The following ZFHX3 variants were observed in gnomAD, a reference collection of about 807,000 sequenced individuals.
The protein encoded by ZFHX3 is zinc finger homeobox protein 3.
Under a neutral mutation model 279.1 loss-of-function variants are expected in ZFHX3, and 42 were observed. The ratio of observed to expected loss-of-function variants is 0.15; its 90% confidence interval spans 0.12 to 0.19. The LOEUF (loss-of-function observed/expected upper bound fraction) is 0.19, where lower values mean the gene tolerates loss of function less well. Ranked by LOEUF, ZFHX3 falls within the 10% of genes least tolerant of loss-of-function variation. The probability of loss-of-function intolerance (pLI) is 1.00; values close to 1 mark genes in which losing one functional copy is unlikely to be tolerated. For missense variants in ZFHX3, 4,981 were observed against 4,754.0 expected (o/e 1.05, Z -1.40); for synonymous variants, 2,293 against 1,957.8 (o/e 1.17, Z -4.52).
At chr16:73,096,057 G>T (rs1043404387) in intron 7 of ZFHX3, among the ~76,000 whole-genome samples, 1 of 152,142 alleles carries the variant, frequency 6.6e-6, no homozygotes, top group African/African-American at 2.4e-5. Flanking sequence ...AGAGGGGCCT[G>T]GAGATGCTGG....
intron 3 of ZFHX3, among the ~76,000 whole-genome samples, chr16:73,324,155 G>A (rs1294947108): frequency 6.6e-6 from 1 of 152,190 alleles, no homozygotes; most frequent in African/African-American, 2.4e-5. Context: ...GGAGAGGAAT[G>A]GACTCATATT....
rs574799123 is a variant in ZFHX3, at chr16:73,539,821, C to T, written c.-1546-83563G>A. 5.9e-5 allele frequency among the ~76,000 whole-genome samples: 9 copies of T among 152,228 alleles called. No individual in the cohort carries two copies. The East Asian group carries it at 1.5e-3, about 26-fold the overall frequency. ...TATGCCAAAGCCCTCCAAATGTTTTCGGCAAATAATACCCAAATAAATGGA... is the reference window on the plus strand; with the variant it reads ...TATGCCAAAGCCCTCCAAATGTTTTTGGCAAATAATACCCAAATAAATGGA... On this transcript the variant is annotated intron_variant, in intron 2 of 17. Transcript: ENST00000641206.
intron 3 of ZFHX3, among the ~76,000 whole-genome samples, chr16:72,941,574 G>T (rs186583905): frequency 3.9e-5 from 6 of 152,200 alleles, no homozygotes; most frequent in Middle Eastern, 3.4e-3. Flanking sequence ...TGAAATTTAC[G>T]TTTGGAGGCC....
At chr16:73,782,235 C>A (rs1959495842) in intron 1 of ZFHX3, among the ~76,000 whole-genome samples, 1 of 152,158 alleles carries the variant, frequency 6.6e-6, no homozygotes, top group African/African-American at 2.4e-5. Context: ...GCTTGAGCCT[C>A]TGTTTTGTTG....
At chr16:73,681,202 A>G (rs2053006568) in intron 1 of ZFHX3, among the ~76,000 whole-genome samples, 1 of 152,184 alleles carries the variant, frequency 6.6e-6, no homozygotes, top group South Asian at 2.1e-4. Flanking sequence ...TATAATGGCT[A>G]AACAAATTAA....
intron 1 of ZFHX3, among the ~76,000 whole-genome samples, chr16:73,009,144 A>G (rs1460070290): frequency 1.3e-5 from 2 of 152,128 alleles, no homozygotes; most frequent in Non-Finnish European, 2.9e-5. Context: ...AAATTAATTG[A>G]ATTAACTTGT....
At chr16:73,355,708 C>G (rs150544960) in intron 3 of ZFHX3, among the ~76,000 whole-genome samples, 1 of 152,344 alleles carries the variant, frequency 6.6e-6, no homozygotes, top group East Asian at 1.9e-4. Flanking sequence ...ACTGCTCCCT[C>G]TGCTTAATAT....
intron 1 of ZFHX3, among the ~76,000 whole-genome samples, chr16:73,053,685 C>T (rs1393339595): frequency 6.6e-6 from 1 of 152,084 alleles, no homozygotes; most frequent in Non-Finnish European, 1.5e-5. Context: ...AACCCTAGGA[C>T]GAGGCACAGC....
chr16:73,811,437 TC>T (rs1960421685), intron 1 of ZFHX3, among the ~76,000 whole-genome samples: 1 of 148,040 alleles, frequency 6.8e-6, no homozygotes. Flanking sequence ...TTCAGTCTCT[TC>T]TTTTTTTTTT....
intron 3 of ZFHX3, among the ~76,000 whole-genome samples, chr16:72,918,895 ACT>A (rs1187465738): frequency 6.6e-6 from 1 of 151,876 alleles, no homozygotes; most frequent in African/African-American, 2.4e-5. Context: ...ATGGGGTTTC[ACT>A]GTGTTAGCCA....
chr16:72,967,034 G>A (rs1188373990), intron 1 of ZFHX3, among the ~76,000 whole-genome samples: 1 of 152,182 alleles, frequency 6.6e-6, no homozygotes, highest in African/African-American at 2.4e-5. Context: ...CCCACCACAA[G>A]GCTATGAGTG....
intron 3 of ZFHX3, among the ~76,000 whole-genome samples, chr16:73,325,928 A>ACACAAAACACACAC (rs1567451240): frequency 8.9e-5 from 13 of 145,492 alleles, no homozygotes; most frequent in Non-Finnish European, 7.6e-5. Context: ...CACACACACA[A>ACACAAAACACACAC]ACACACACAC....
intron 3 of ZFHX3, among the ~76,000 whole-genome samples, chr16:72,892,504 T>C (rs1294108589): frequency 6.8e-6 from 1 of 148,110 alleles, no homozygotes. Flanking sequence ...TACTTTTTAT[T>C]TATTGGTTTT....
intron 2 of ZFHX3, among the ~76,000 whole-genome samples, chr16:73,565,610 A>C (rs1411943872): frequency 6.6e-6 from 1 of 152,218 alleles, no homozygotes; most frequent in African/African-American, 2.4e-5. Flanking sequence ...CTCGTGTTCT[A>C]AATATATAAA....
At chr16:73,408,256 A>G (rs2017403128) in intron 3 of ZFHX3, among the ~76,000 whole-genome samples, 1 of 152,094 alleles carries the variant, frequency 6.6e-6, no homozygotes, top group Admixed American at 6.5e-5. Flanking sequence ...GTCCACCATA[A>G]AAATAGACGT....
At chr16:73,800,223 ATT>A (rs970373359) in intron 1 of ZFHX3, among the ~76,000 whole-genome samples, 1 of 145,516 alleles carries the variant, frequency 6.9e-6, no homozygotes, top group Non-Finnish European at 1.5e-5. Context: ...TACTATTGTA[ATT>A]TTTTTTTTTT....
intron 1 of ZFHX3, among the ~76,000 whole-genome samples, chr16:73,807,205 G>A (rs769293496): frequency 2.8e-4 from 43 of 152,100 alleles, no homozygotes; most frequent in Non-Finnish European, 4.6e-4. Flanking sequence ...CCCAGAAGTT[G>A]AGTTGTGTGA....
intron 1 of ZFHX3, among the ~76,000 whole-genome samples, chr16:73,861,415 G>T (rs539391016): frequency 6.6e-6 from 1 of 152,258 alleles, no homozygotes; most frequent in African/African-American, 2.4e-5. Context: ...AGATGCCAAA[G>T]AAATATGGGG....
intron 7 of ZFHX3, among the ~76,000 whole-genome samples, chr16:73,111,385 C>T (rs1597160672): frequency 6.6e-6 from 1 of 152,270 alleles, no homozygotes; most frequent in South Asian, 2.1e-4. Flanking sequence ...GGGAAGCAGC[C>T]ACTATTTAAA....
Sources: allele counts gnomAD v4.1 joint callset (sites outside exome capture counted in the v4.1 genomes callset), GRCh38; gene constraint gnomAD v4.1.1; transcripts MANE v1.5; gene names NCBI Gene and HGNC (gene_info 2026-07-23, HGNC 2026-07-21).